SH3BP4: variants seen among roughly 807,000 people sequenced by gnomAD.
SH3BP4 encodes SH3 domain binding protein 4, also known as SH3 domain-binding protein 4.
SH3BP4 carries 33 observed loss-of-function variants against 65.5 expected under a neutral mutation model. The ratio of observed to expected loss-of-function variants is 0.50; its 90% CI spans 0.38 to 0.67. The LOEUF (loss-of-function observed/expected upper bound fraction) is 0.67. Ranked by LOEUF, SH3BP4 falls within the 30% of genes least tolerant of loss-of-function variation. The pLI is 0.00. For missense variants in SH3BP4, 1,134 were observed against 1,261.4 expected (o/e 0.90, Z 1.53); for synonymous variants, 552 against 545.5 (o/e 1.01, Z -0.17).
At position 235,030,151 on chromosome 2, in the gene SH3BP4, GTGT is replaced by G. The variant is rs532013356; in HGVS notation, c.-132-4716_-132-4714del. Among the ~76,000 whole-genome samples, 279 of 152,258 alleles carry G rather than the reference GTGT, an allele frequency of 1.8e-3. No homozygotes were observed. Among genetic ancestry groups the G allele is most frequent in the Non-Finnish European group, 3.1e-3 (210 of 68,018 alleles). ...TAAAAGCGGTGAGCACTGTCCAGAA[GTGT>G]TGTAGCAGGGCAGCAGCATGGCTTT... On this transcript the variant is annotated intron_variant, in intron 2 of 5. Coordinates refer to ENST00000392011, the MANE Select transcript of SH3BP4 (RefSeq NM_014521.3). This position sits in a 1 kb window ranked among gnomAD's most constrained non-coding sequence, Gnocchi z 4.1.
chr2:234,989,159 T>A (rs1397118526), intron 1 of SH3BP4, among the ~76,000 whole-genome samples: 1 of 152,058 alleles, frequency 6.6e-6, no homozygotes, highest in Admixed American at 6.6e-5. Flanking sequence ...AAACCTGGGG[T>A]TGGGTCCATG....
intron 1 of SH3BP4, among the ~76,000 whole-genome samples, chr2:234,965,661 T>C (rs1474839903): frequency 6.6e-6 from 1 of 152,200 alleles, no homozygotes; most frequent in African/African-American, 2.4e-5. Context: ...CTTGCTAAAT[T>C]GGGAGTGGGA....
intron 2 of SH3BP4, among the ~76,000 whole-genome samples, chr2:235,024,746 G>T (rs1049070657): frequency 6.6e-6 from 1 of 152,134 alleles, no homozygotes; most frequent in Non-Finnish European, 1.5e-5. Context: ...TACTAGAAAA[G>T]ATCTATCAAG....
At position 235,034,726 on chromosome 2, in the gene SH3BP4, T is replaced by C. The variant is rs1013385311; in HGVS notation, c.-132-145T>C. The C allele has an allele frequency of 1.7e-5, 7 of 411,380 alleles. No individual in the cohort carries two copies. Among genetic ancestry groups the C allele is most frequent in the Non-Finnish European group, 3.1e-5 (7 of 223,184 alleles). The allele number at this position is 411,380 out of a possible 1,614,324, so 25.5% of individuals were successfully genotyped here. A position where few individuals can be genotyped will look rare whatever the true frequency, so the allele number is the denominator to read the frequency against. On this transcript the variant is annotated intron_variant, in intron 2 of 5. Coordinates refer to ENST00000392011, the MANE Select transcript of SH3BP4 (RefSeq NM_014521.3). The surrounding 1 kb of genome is among the most constrained non-coding windows in gnomAD (Gnocchi z 6.2). ...AGAGGCCAAGGAGCAAGCGCTGCTC[T>C]GCTCTGTTGGGCCAGGAAAGATGAA...
intron 2 of SH3BP4, among the ~76,000 whole-genome samples, chr2:235,000,787 A>T (rs1694073600): frequency 6.6e-6 from 1 of 152,182 alleles, no homozygotes; most frequent in Non-Finnish European, 1.5e-5. Context: ...GCCGGGTCCT[A>T]CCCGCTATCT....
rs374859567 is a variant in SH3BP4 at position 234,994,375 on chromosome 2, A to G, written c.-206-928A>G. On this transcript the variant is annotated intron_variant, in intron 1 of 5. Transcript: ENST00000392011. ...TGGTTCCTGCAGAGGATGAGTGGCC[A>G]TGATTGAGGGAAGGTGTCCAGAAGG... 3.5e-4 allele frequency: 53 copies of G among 152,192 alleles called. 1 individual carries two copies. The highest frequency in any genetic ancestry group is 1.2e-3 in the African/African-American group (50 of 41,434). The allele number at this position is 152,192 out of a possible 1,614,324, so 9.4% of individuals were successfully genotyped here. A position where few individuals can be genotyped will look rare whatever the true frequency, so the allele number is the denominator to read the frequency against.
chr2:234,997,172 C>T lies in SH3BP4; in HGVS notation c.-133+1796C>T, dbSNP rs974626538. Among the ~76,000 whole-genome samples the T allele has an allele frequency of 1.3e-5, 2 of 152,164 alleles. No homozygotes were observed. The highest frequency in any genetic ancestry group is 4.8e-5 in the African/African-American group (2 of 41,448). ...GGGTGCTTGGGGGCGTGGGTCCCCA[C>T]AGCAGTTAGAGACCATCCACAGGCC... On this transcript the variant is annotated intron_variant, in intron 2 of 5. Coordinates refer to ENST00000392011, the MANE Select transcript of SH3BP4 (RefSeq NM_014521.3). This position sits in a 1 kb window ranked among gnomAD's most constrained non-coding sequence, Gnocchi z 4.2.
chr2:235,038,301 A>G (rs1204987064), intron 3 of SH3BP4, among the ~76,000 whole-genome samples: 578 of 11,874 alleles, frequency 0.049, 48 homozygotes, highest in African/African-American at 0.3. Context: ...TATATATATT[A>G]TATATATATA....
intron 1 of SH3BP4, among the ~76,000 whole-genome samples, chr2:234,986,913 C>T (rs1574794183): frequency 6.6e-6 from 1 of 151,780 alleles, no homozygotes; most frequent in Non-Finnish European, 1.5e-5. Flanking sequence ...GCTGGGATTA[C>T]AGGCATGTGC....
rs912261478 is a variant in SH3BP4, at chr2:235,054,836, T to C, written c.*1020T>C. 1.3e-5 allele frequency: 2 copies of C among 152,250 alleles called. No individual in the cohort carries two copies. Among genetic ancestry groups the C allele is most frequent in the Non-Finnish European group, 2.9e-5 (2 of 68,042 alleles). 9.4% of individuals were successfully genotyped at this position (152,250 alleles called of 1,614,324 possible). On this transcript the variant is annotated 3_prime_UTR_variant, in exon 6 of 6. Transcript: ENST00000392011. ...GGTTGGCCTCACAAGCAACGCCTTA[T>C]GCTGATGTGCAGAGGTGCCAGCTGC...
At position 235,046,420 on chromosome 2, in the gene SH3BP4, A is replaced by T. The variant is rs73126148; in HGVS notation, c.2478+3173A>T. ...TTCATCTCTCCAATTTTTTTTTTTT[A>T]AATCAGCCAGGTGTGTTGGTGTGCA... On this transcript the variant is annotated intron_variant, in intron 4 of 5. Coordinates refer to ENST00000392011, the MANE Select transcript of SH3BP4 (RefSeq NM_014521.3). This position sits in a 1 kb window ranked among gnomAD's most constrained non-coding sequence, Gnocchi z 4.2. Among the ~76,000 whole-genome samples, 1,802 of 151,168 alleles carry T rather than the reference A, an allele frequency of 0.012. 38 individuals are homozygous for T. Among genetic ancestry groups the T allele is most frequent in the African/African-American group, 0.041 (1,692 of 41,178 alleles).
At position 234,976,509 on chromosome 2, in the gene SH3BP4, G is replaced by A. The variant is rs983290350; in HGVS notation, c.-206-18794G>A. Among the ~76,000 whole-genome samples, 1 of 151,992 alleles carries A rather than the reference G, an allele frequency of 6.6e-6. No homozygotes were observed. The highest frequency in any genetic ancestry group is 1.9e-4 in the East Asian group (1 of 5,158). On this transcript the variant is annotated intron_variant, in intron 1 of 5. Transcript: ENST00000392011. This position sits in a 1 kb window ranked among gnomAD's most constrained non-coding sequence, Gnocchi z 4.7. ...CAGTTAAGCAGGGCTACCGTCTCTCGGCCCGGGGCTTCTTGTTTCATGATA... is the reference window on the plus strand; with the variant it reads ...CAGTTAAGCAGGGCTACCGTCTCTCAGCCCGGGGCTTCTTGTTTCATGATA...
At chr2:235,005,730 C>T (rs941224526) in intron 2 of SH3BP4, among the ~76,000 whole-genome samples, 1 of 152,196 alleles carries the variant, frequency 6.6e-6, no homozygotes, top group African/African-American at 2.4e-5. Flanking sequence ...CTGAACCCTC[C>T]CAGGGATCCA....
At position 235,030,389 on chromosome 2, in the gene SH3BP4, A is replaced by C. The variant is rs779388152; in HGVS notation, c.-132-4482A>C. Among the ~76,000 whole-genome samples the C allele has an allele frequency of 2.6e-5, 4 of 152,174 alleles. No homozygotes were observed. The highest frequency in any genetic ancestry group is 2.0e-4 in the Admixed American group (3 of 15,282). The stretch of plus-strand genomic sequence containing the variant: ...TAGTGATCTCTCCAAGCCCGTTTTC[A>C]TGGAATCTGTAAAGTGCAGCCAAGT... On this transcript the variant is annotated intron_variant, in intron 2 of 5. Coordinates refer to ENST00000392011, the MANE Select transcript of SH3BP4 (RefSeq NM_014521.3). This position sits in a 1 kb window ranked among gnomAD's most constrained non-coding sequence, Gnocchi z 4.1.
chr2:235,010,770 G>GGAGAACCTTTCCTCCCTCTCGT lies in SH3BP4; in HGVS notation c.-133+15394_-133+15395insGAGAACCTTTCCTCCCTCTCGT, dbSNP rs1559242814. 4.9e-4 allele frequency among the ~76,000 whole-genome samples: 21 copies of GGAGAACCTTTCCTCCCTCTCGT among 43,296 alleles called. 1 individual carries two copies. Among genetic ancestry groups the GGAGAACCTTTCCTCCCTCTCGT allele is most frequent in the East Asian group, 5.2e-3 (2 of 382 alleles). 28.4% of individuals were successfully genotyped at this position (43,296 alleles called of 152,430 possible). ...GGACAACCCTTCCTCCCTCTCCTAGGAGAACCCTTCCTCCCTCTCCTAGGA... is the reference window on the plus strand; with the variant it reads ...GGACAACCCTTCCTCCCTCTCCTAGGGAGAACCTTTCCTCCCTCTCGTAGAACCCTTCCTCCCTCTCCTAGGA... On this transcript the variant is annotated intron_variant, in intron 2 of 5. Transcript: ENST00000392011.
At chr2:234,963,673 G>T (rs897534217) in intron 1 of SH3BP4, among the ~76,000 whole-genome samples, 5 of 152,290 alleles carry the variant, frequency 3.3e-5, no homozygotes, top group East Asian at 1.9e-4. Context: ...AGGTGTTTCC[G>T]TTGGGAGGTC....
At chr2:235,004,521 C>T (rs543681159) in intron 2 of SH3BP4, among the ~76,000 whole-genome samples, 51 of 152,322 alleles carry the variant, frequency 3.3e-4, no homozygotes, top group Non-Finnish European at 6.5e-4. Context: ...CATTAGCAGT[C>T]GCTGCCCCTC....
chr2:234,994,822 C>G lies in SH3BP4; in HGVS notation c.-206-481C>G, dbSNP rs764496547. The G allele has an allele frequency of 2.0e-5, 3 of 152,438 alleles. No homozygotes were observed. The East Asian group carries it at 5.8e-4, about 29-fold the overall frequency. 9.4% of individuals were successfully genotyped at this position (152,438 alleles called of 1,614,324 possible). ...GTGATGCAGAGGCCACTGGGCAGGA[C>G]GTTTAGGTTTGCTGGGGAGCACAGC... On this transcript the variant is annotated intron_variant, in intron 1 of 5. Transcript: ENST00000392011.
intron 2 of SH3BP4, among the ~76,000 whole-genome samples, chr2:235,031,885 G>A (rs539777033): frequency 2.0e-5 from 3 of 152,264 alleles, no homozygotes; most frequent in African/African-American, 7.2e-5. Flanking sequence ...GCCCATCTCT[G>A]CTGACAGCTT....
Sources: gnomAD v4.1 joint callset for allele counts (sites outside exome capture counted in the v4.1 genomes callset) on GRCh38, gnomAD v4.1.1 for gene constraint, Gnocchi (gnomAD v3.1) non-coding constraint, MANE v1.5 for transcripts, NCBI Gene and HGNC (gene_info 2026-07-23, HGNC 2026-07-21) for gene names.